Variants in CHFR observed in about 807,000 individuals in gnomAD.
CHFR encodes the protein E3 ubiquitin-protein ligase CHFR.
In CHFR, 57 loss-of-function variants were observed where a neutral mutation model predicts 87.6. The ratio of observed to expected loss-of-function variants is 0.65; its 90% CI spans 0.53 to 0.81. The LOEUF is 0.81. Among genes scored for constraint, CHFR ranks in the 30% least tolerant of loss-of-function variants. CHFR has a pLI of 0.00. For missense variants in CHFR, 797 were observed against 865.8 expected (o/e 0.92, Z 1.00); for synonymous variants, 381 against 359.2 (o/e 1.06, Z -0.69).
chr12:132,851,825 G>A, intron 11 of CHFR, 88 bp from the exon 12 acceptor site: 2 of 1,478,564 alleles, frequency 1.4e-6, no homozygotes, highest in Non-Finnish European at 1.8e-6. Context: ...GCACAGCGAG[G>A]AGAGGTGCAC....
At chr12:132,881,807 G>T (rs1353947527) in intron 2 of CHFR, among the ~76,000 whole-genome samples, 1 of 148,516 alleles carries the variant, frequency 6.7e-6, no homozygotes, top group African/African-American at 2.5e-5. Flanking sequence ...GGCGGAGGTT[G>T]CAGTGAGCTG....
chr12:132,875,392 AG>A (rs1951607579), intron 3 of CHFR, among the ~76,000 whole-genome samples: 2 of 152,178 alleles, frequency 1.3e-5, no homozygotes, highest in Non-Finnish European at 2.9e-5. Flanking sequence ...TTGCAATCCC[AG>A]CACTTGGGGA....
intron 2 of CHFR, among the ~76,000 whole-genome samples, chr12:132,878,725 C>G (rs1255452940): frequency 6.8e-6 from 1 of 146,588 alleles, no homozygotes; most frequent in Non-Finnish European, 1.5e-5. Flanking sequence ...GAGGATGAGG[C>G]AGGAGAATGG....
intron 17 of CHFR, among the ~76,000 whole-genome samples, 159 bp downstream of exon 17, chr12:132,842,852 C>A (rs945814212): frequency 1.3e-5 from 2 of 152,148 alleles, no homozygotes; most frequent in Non-Finnish European, 2.9e-5. Flanking sequence ...CTGCATGAAA[C>A]GAAGGGATAA....
At chr12:132,842,937 C>T in intron 17 of CHFR, 74 bp downstream of exon 17, 2 of 1,234,078 alleles carry the variant, frequency 1.6e-6, no homozygotes, top group Non-Finnish European at 2.3e-6. Context: ...ATGACCATAT[C>T]AGCCTATTTA....
intron 6 of CHFR, chr12:132,867,461 G>A (rs1054576209): frequency 3.3e-5 from 5 of 152,190 alleles, no homozygotes; most frequent in Non-Finnish European, 5.9e-5. Flanking sequence ...TCCCTTCTCC[G>A]GAGGCTTCCT....
At chr12:132,844,365 A>G (rs936038979) in intron 15 of CHFR, among the ~76,000 whole-genome samples, 10 of 152,132 alleles carry the variant, frequency 6.6e-5, no homozygotes, top group Non-Finnish European at 2.9e-5. Flanking sequence ...GCTCACTGCA[A>G]GCTCCGCCTC....
Position 132,835,408 on chromosome 12 carries a change from T to C in CHFR, c.*6146A>G, listed in dbSNP as rs974090502. The C allele has an allele frequency of 1.5e-4, 23 of 152,676 alleles. No individual in the cohort carries two copies. The highest frequency in any genetic ancestry group is 5.6e-4 in the African/African-American group (23 of 41,430). 9.5% of individuals were successfully genotyped at this position (152,676 alleles called of 1,614,324 possible). On this transcript the variant is annotated 3_prime_UTR_variant, in exon 18 of 18. Coordinates refer to ENST00000450056, the MANE Select transcript of CHFR (RefSeq NM_001161346.2). Reference sequence around the variant, plus strand: ...GAACACGTCATGAATTTGGGTGTCATGCCTGCACGTGGGCCATGCTAATCT... The same window carrying C: ...GAACACGTCATGAATTTGGGTGTCACGCCTGCACGTGGGCCATGCTAATCT...
At chr12:132,860,802 C>T (rs1951193985) in intron 7 of CHFR, among the ~76,000 whole-genome samples, 1 of 152,170 alleles carries the variant, frequency 6.6e-6, no homozygotes, top group African/African-American at 2.4e-5. Flanking sequence ...GCCCCGGCTG[C>T]AGTGCAATGG....
rs560105630 is a variant in CHFR, at chr12:132,883,586, G to A, written c.133+3610C>T. On this transcript the variant is annotated intron_variant, in intron 2 of 17. Coordinates refer to ENST00000450056, the MANE Select transcript of CHFR (RefSeq NM_001161346.2). ...TAAAAATACAAAAAAAATTAGCCGG[G>A]CATGGTGGCGGGTGCCTGTAGTCCC... Among the ~76,000 whole-genome samples the A allele has an allele frequency of 1.2e-4, 18 of 152,126 alleles. 1 individual carries two copies. In the South Asian group the frequency reaches 3.3e-3, roughly 28 times the overall value.
intron 13 of CHFR, 121 bp downstream of exon 13, chr12:132,848,520 G>T: frequency 2.6e-6 from 2 of 760,818 alleles, no homozygotes; most frequent in Non-Finnish European, 4.4e-6. Flanking sequence ...ATCATTTGAT[G>T]ACCAACAGTG....
At chr12:132,845,939 GCCCAGTTGTTA>G (rs1201394510) in intron 15 of CHFR, among the ~76,000 whole-genome samples, 5 of 152,292 alleles carry the variant, frequency 3.3e-5, no homozygotes, top group African/African-American at 1.2e-4. Flanking sequence ...TTTAGCAGCT[GCCCAGTTGTTA>G]CCTCCTCCTT....
At chr12:132,863,245 T>C (rs1444230083) in intron 6 of CHFR, among the ~76,000 whole-genome samples, 3 of 148,182 alleles carry the variant, frequency 2.0e-5, no homozygotes, top group African/African-American at 7.4e-5. Flanking sequence ...CGGTGGCTCA[T>C]GCCTGTAATC....
chr12:132,886,180 C>T (rs370419863), intron 2 of CHFR, among the ~76,000 whole-genome samples: 15 of 152,154 alleles, frequency 9.9e-5, no homozygotes, highest in African/African-American at 2.6e-4. Flanking sequence ...GGCATGGTGG[C>T]GCACGCCTGT....
rs192495200 is a variant in CHFR at position 132,843,048 on chromosome 12, G to A, written c.1879C>T (p.Arg627Cys). 5 of 1,613,414 alleles carry A rather than the reference G, an allele frequency of 3.1e-6. No individual in the cohort carries two copies. Among genetic ancestry groups the A allele is most frequent in the Admixed American group, 3.3e-5 (2 of 59,942 alleles). ...VTSRPDCYWG[R>C]NCRTQVKAHH... ...GCTTTCACCTGAGTGCGGCAGTTAC[G>A]GCCCCAGTAGCAGTCAGGACGGGAT... Residue 627 changes from arginine (R) to cysteine (C), a missense_variant, in exon 17 of 18, where the codon CGT becomes TGT. By Grantham distance (180) the Arg-to-Cys change is radical. This residue lies in a region of CHFR where 200 missense variants were observed against 264.6 expected (regional missense o/e 0.76). Transcript: ENST00000450056.
intron 6 of CHFR, chr12:132,867,503 A>G (rs946049415): frequency 6.6e-6 from 1 of 152,254 alleles, no homozygotes; most frequent in Non-Finnish European, 1.5e-5. Flanking sequence ...AGTGATGTTC[A>G]GAGCTCTGGC....
At chr12:132,847,955 T>TGGGTCCC in intron 14 of CHFR, 130 bp downstream of exon 14, 2 of 1,522,426 alleles carry the variant, frequency 1.3e-6, no homozygotes, top group Non-Finnish European at 1.8e-6. Flanking sequence ...TGAGGAAACA[T>TGGGTCCC]GGCTCCCGGC....
At chr12:132,881,092 C>T (rs964650605) in intron 2 of CHFR, among the ~76,000 whole-genome samples, 1 of 151,996 alleles carries the variant, frequency 6.6e-6, no homozygotes, top group South Asian at 2.1e-4. Flanking sequence ...CAGGATGAGA[C>T]CCCATCTCGA....
intron 2 of CHFR, chr12:132,882,913 G>A (rs1314081888): frequency 6.6e-6 from 1 of 152,042 alleles, no homozygotes; most frequent in African/African-American, 2.4e-5. Flanking sequence ...TGTTGCCCTA[G>A]CTGGTCTCAA....
Sources: gnomAD v4.1 joint callset for allele counts (sites outside exome capture counted in the v4.1 genomes callset) on GRCh38, gnomAD v4.1.1 for gene constraint, gnomAD v4.1.1 regional missense constraint, MANE v1.5 for transcripts, NCBI Gene and HGNC (gene_info 2026-07-23, HGNC 2026-07-21) for gene names.